The following ROBO1 variants were observed in gnomAD, a reference collection of about 807,000 sequenced individuals.
ROBO1 encodes roundabout homolog 1.
Under a neutral mutation model 195.9 loss-of-function variants are expected in ROBO1, and 149 were observed. The ratio of observed to expected loss-of-function variants is 0.76; its 90% CI spans 0.67 to 0.87. The LOEUF (loss-of-function observed/expected upper bound fraction) is 0.87. Among genes scored for constraint, ROBO1 ranks in the 40% least tolerant of loss-of-function variants. ROBO1 has a pLI of 0.00. For synonymous variants in ROBO1, 816 were observed against 733.2 expected (o/e 1.11, Z -1.82); for missense variants, 1,933 against 2,068.3 (o/e 0.93, Z 1.27).
intron 28 of ROBO1, among the ~76,000 whole-genome samples, chr3:78,612,027 A>T (rs1337994724): frequency 1.3e-5 from 2 of 152,288 alleles, no homozygotes; most frequent in East Asian, 3.9e-4. Flanking sequence ...TAGCAAACTA[A>T]TACAAGGATT....
chr3:79,442,565 T>C (rs1312854699), intron 2 of ROBO1, among the ~76,000 whole-genome samples: 3 of 152,104 alleles, frequency 2.0e-5, no homozygotes, highest in Non-Finnish European at 4.4e-5. Context: ...CATACTCTAG[T>C]GACAGAGAGG....
intron 3 of ROBO1, among the ~76,000 whole-genome samples, chr3:79,020,876 C>T (rs2078086904): frequency 1.3e-5 from 2 of 151,816 alleles, no homozygotes; most frequent in African/African-American, 4.8e-5. Context: ...GACAGAACTG[C>T]GCAATGGATA....
chr3:79,345,417 T>A (rs1218049761), intron 2 of ROBO1, among the ~76,000 whole-genome samples: 1 of 152,130 alleles, frequency 6.6e-6, no homozygotes, highest in Non-Finnish European at 1.5e-5. Context: ...TTGGCCAGTC[T>A]CCCTTTTTTA....
Position 78,598,915 on chromosome 3 carries a change from A to C in ROBO1, c.4954T>G (p.Ter1652GlyextTer7). Residue 1652 changes from the stop codon to glycine, a stop_lost, in exon 31 of 31, where the codon TGA (stop) becomes GGA (glycine). Coordinates refer to ENST00000464233, the MANE Select transcript of ROBO1 (RefSeq NM_002941.4). ...NNEELEETES[*>G] ...TCTCATAAGCCTCTTGGTTGTCTTCAGCTTTCAGTTTCCTGTAAGAGATAC... is the reference window on the plus strand; with the variant it reads ...TCTCATAAGCCTCTTGGTTGTCTTCCGCTTTCAGTTTCCTGTAAGAGATAC... The C allele has an allele frequency of 6.3e-7, 1 of 1,575,032 alleles. No homozygotes were observed. The highest frequency in any genetic ancestry group is 1.2e-5 in the South Asian group (1 of 84,954).
intron 3 of ROBO1, among the ~76,000 whole-genome samples, chr3:78,945,980 T>G (rs958218656): frequency 1.0e-4 from 15 of 145,260 alleles, no homozygotes; most frequent in African/African-American, 3.5e-4. Flanking sequence ...AAAAAAAAAA[T>G]AAAAAGAAAT....
chr3:79,018,179 G>T (rs146394359), intron 3 of ROBO1, among the ~76,000 whole-genome samples: 1 of 152,206 alleles, frequency 6.6e-6, no homozygotes, highest in South Asian at 2.1e-4. Flanking sequence ...GATCTGCAAA[G>T]AGTCTTGAGG....
At chr3:79,522,500 A>T (rs966367062) in intron 2 of ROBO1, among the ~76,000 whole-genome samples, 5 of 152,128 alleles carry the variant, frequency 3.3e-5, no homozygotes, top group Admixed American at 1.3e-4. Flanking sequence ...TGGAGTCATC[A>T]TTCCTGTATT....
At chr3:78,856,438 T>C (rs190031278) in intron 4 of ROBO1, among the ~76,000 whole-genome samples, 24 of 152,060 alleles carry the variant, frequency 1.6e-4, no homozygotes, top group Admixed American at 1.4e-3. Context: ...AAGGATGTCA[T>C]CCTGAGAGAT....
intron 2 of ROBO1, among the ~76,000 whole-genome samples, chr3:79,185,237 T>C (rs1283268966): frequency 2.6e-5 from 4 of 152,172 alleles, no homozygotes; most frequent in Non-Finnish European, 5.9e-5. Context: ...CTGGTCTCTA[T>C]CTCTCCAGGT....
chr3:79,167,799 G>T (rs1189269233), intron 2 of ROBO1, among the ~76,000 whole-genome samples: 1 of 152,088 alleles, frequency 6.6e-6, no homozygotes, highest in East Asian at 1.9e-4. Flanking sequence ...TTGGTTTTGA[G>T]GTTTATTATC....
intron 2 of ROBO1, among the ~76,000 whole-genome samples, chr3:79,279,480 A>C (rs2031337812): frequency 6.6e-6 from 1 of 152,194 alleles, no homozygotes; most frequent in Admixed American, 6.5e-5. Context: ...AATGGTGGCA[A>C]GGATAAGGAG....
chr3:79,601,488 G>A (rs1178182600), intron 1 of ROBO1, among the ~76,000 whole-genome samples: 1 of 151,956 alleles, frequency 6.6e-6, no homozygotes, highest in Non-Finnish European at 1.5e-5. Flanking sequence ...TCTCTATTAT[G>A]ATATTTCACA....
chr3:79,008,345 C>A (rs1426749833), intron 3 of ROBO1, among the ~76,000 whole-genome samples: 1 of 152,090 alleles, frequency 6.6e-6, no homozygotes, highest in Admixed American at 6.6e-5. Context: ...CAAAAGTTGG[C>A]AGCTGCTTAA....
chr3:79,246,435 G>T (rs563948590), intron 2 of ROBO1, among the ~76,000 whole-genome samples: 4 of 152,136 alleles, frequency 2.6e-5, no homozygotes, highest in South Asian at 2.1e-4. Flanking sequence ...GCAAATATTT[G>T]TTTTTATGCT....
At chr3:79,308,965 C>T (rs539029383) in intron 2 of ROBO1, among the ~76,000 whole-genome samples, 1 of 152,014 alleles carries the variant, frequency 6.6e-6, no homozygotes, top group South Asian at 2.1e-4. Flanking sequence ...AAATCTGAAG[C>T]GGTATCTCTA....
intron 2 of ROBO1, among the ~76,000 whole-genome samples, chr3:79,439,683 T>G (rs1040759591): frequency 6.6e-6 from 1 of 152,136 alleles, no homozygotes; most frequent in Non-Finnish European, 1.5e-5. Context: ...GTTTTCAAAT[T>G]TATCTCTTTT....
intron 2 of ROBO1, among the ~76,000 whole-genome samples, chr3:79,159,907 AC>A (rs369128470): frequency 9.8e-4 from 149 of 152,170 alleles, no homozygotes; most frequent in African/African-American, 3.2e-3. Context: ...TGGAAAAGAA[AC>A]TGCTTCTTGT....
intron 2 of ROBO1, among the ~76,000 whole-genome samples, chr3:79,368,188 C>T (rs1372024204): frequency 6.6e-6 from 1 of 152,086 alleles, no homozygotes; most frequent in African/African-American, 2.4e-5. Context: ...TCACCTCGGC[C>T]TCCCAAAGTG....
chr3:78,617,628 G>A lies in ROBO1; in HGVS notation c.4282+7C>T. ...TTCCCAGCTTGGTGAAAAGTGTTAG[G>A]ACTCACCAGCAGCATCCTGCATTTG... is the stretch of plus-strand genomic sequence containing the variant. On this transcript the variant is annotated splice_region_variant and intron_variant, in intron 27 of 30. Coordinates refer to ENST00000464233, the MANE Select transcript of ROBO1 (RefSeq NM_002941.4). 1 of 1,600,704 alleles carries A rather than the reference G, an allele frequency of 6.2e-7. No individual in the cohort carries two copies. The highest frequency in any genetic ancestry group is 8.5e-7 in the Non-Finnish European group (1 of 1,173,222).
Sources: allele counts gnomAD v4.1 joint callset (sites outside exome capture counted in the v4.1 genomes callset), GRCh38; gene constraint gnomAD v4.1.1; transcripts MANE v1.5; gene names NCBI Gene and HGNC (gene_info 2026-07-23, HGNC 2026-07-21).